Variants in TBC1D1 observed in about 807,000 individuals in gnomAD.
TBC1D1 encodes the protein TBC1 (tre-2/USP6, BUB2, cdc16) domain family, member 1.
In TBC1D1, 89 loss-of-function variants were observed where a neutral mutation model predicts 125.6. The observed-to-expected ratio is 0.71, with a 90% CI of 0.60 to 0.85. The LOEUF (loss-of-function observed/expected upper bound fraction) is 0.85. TBC1D1 is among the 40% of genes least tolerant of loss of function. The pLI is 0.00. For synonymous variants in TBC1D1, 565 were observed against 564.1 expected, an observed-to-expected ratio of 1.00 and a Z score of -0.02; for missense variants, 1,377 against 1,469.2, an observed-to-expected ratio of 0.94 and a Z score of 1.03.
At chr4:38,131,662 T>C (rs971910192) in intron 18 of TBC1D1, among the ~76,000 whole-genome samples, 10 of 152,204 alleles carry the variant, frequency 6.6e-5, no homozygotes, top group Non-Finnish European at 1.2e-4. Flanking sequence ...AAGTCATTCA[T>C]AGAGTCGCCA....
chr4:38,084,588 T>A (rs1757153992), intron 12 of TBC1D1, among the ~76,000 whole-genome samples: 1 of 152,278 alleles, frequency 6.6e-6, no homozygotes, highest in African/African-American at 2.4e-5. Flanking sequence ...GAGCTGTTCG[T>A]AACAACAGAC....
chr4:38,062,268 GTT>G (rs562627652), intron 12 of TBC1D1, among the ~76,000 whole-genome samples: 2 of 141,438 alleles, frequency 1.4e-5, no homozygotes, highest in Non-Finnish European at 1.6e-5. Context: ...AAGTGTGCTT[GTT>G]TTTTTTTTTT....
At chr4:37,923,330 C>A (rs4832742) in intron 2 of TBC1D1, among the ~76,000 whole-genome samples, 61,673 of 151,928 alleles carry the variant, frequency 0.41, 12,770 homozygotes, top group East Asian at 0.67. Context: ...TATATGTGCC[C>A]CATTTTCTTT....
intron 18 of TBC1D1, among the ~76,000 whole-genome samples, chr4:38,130,814 T>A (rs535661382): frequency 6.6e-6 from 1 of 152,342 alleles, no homozygotes; most frequent in East Asian, 1.9e-4. Flanking sequence ...TCTGTTTTAT[T>A]CATCTGAGAC....
At chr4:37,932,893 C>T (rs1723554332) in intron 2 of TBC1D1, among the ~76,000 whole-genome samples, 1 of 152,004 alleles carries the variant, frequency 6.6e-6, no homozygotes, top group Non-Finnish European at 1.5e-5. Context: ...CCCATCTCTA[C>T]TAAAAATGCA....
chr4:38,108,355 G>A (rs545862881), intron 15 of TBC1D1, among the ~76,000 whole-genome samples: 28 of 152,234 alleles, frequency 1.8e-4, no homozygotes, highest in Non-Finnish European at 4.0e-4. Flanking sequence ...GGCTTCAGCC[G>A]AAAGAACACT....
chr4:38,086,329 T>C (rs1196701924), intron 12 of TBC1D1, among the ~76,000 whole-genome samples: 1 of 152,142 alleles, frequency 6.6e-6, no homozygotes. Flanking sequence ...TATTTAGCAA[T>C]GCCTAGAGGC....
intron 17 of TBC1D1, 173 bp downstream of exon 19, chr4:38,118,365 C>G: frequency 1.5e-6 from 1 of 681,316 alleles, no homozygotes; most frequent in South Asian, 2.0e-5. Context: ...TGGAGTCCTC[C>G]TTAACTTCTG....
rs566212258 is a variant in TBC1D1, at chr4:37,954,752, G to A, written c.417+52240G>A. Among the ~76,000 whole-genome samples, 9 of 151,246 alleles carry A rather than the reference G, an allele frequency of 6.0e-5. No homozygotes were observed. In the South Asian group the frequency reaches 6.3e-4, roughly 11 times the overall value. On this transcript the variant is annotated intron_variant, in intron 2 of 19. Coordinates refer to ENST00000261439, the MANE Select transcript of TBC1D1 (RefSeq NM_015173.4). ...CTACTTAGTGATACTGTATGTGGGC[G>A]ATGAAGAGGCGGGGTGATTCACTGA...
intron 18 of TBC1D1, among the ~76,000 whole-genome samples, chr4:38,127,767 C>T (rs1764900783): frequency 6.6e-6 from 1 of 152,128 alleles, no homozygotes; most frequent in Non-Finnish European, 1.5e-5. Context: ...ACATGCCCGG[C>T]CCCTTGTAGA....
intron 2 of TBC1D1, among the ~76,000 whole-genome samples, chr4:37,992,192 A>G (rs1282300984): frequency 6.6e-6 from 1 of 152,194 alleles, no homozygotes; most frequent in Non-Finnish European, 1.5e-5. Flanking sequence ...GCTGGATAGC[A>G]GGATGGATGT....
chr4:37,974,501 A>G (rs1432480334), intron 2 of TBC1D1, among the ~76,000 whole-genome samples: 3 of 152,120 alleles, frequency 2.0e-5, no homozygotes, highest in Non-Finnish European at 4.4e-5. Flanking sequence ...GGCATCCCAA[A>G]GTGCTGGGAT....
intron 2 of TBC1D1, among the ~76,000 whole-genome samples, chr4:37,935,558 A>G (rs1724213524): frequency 6.6e-6 from 1 of 152,172 alleles, no homozygotes; most frequent in South Asian, 2.1e-4. Flanking sequence ...CCCAAGATAC[A>G]GTATTTCTCA....
chr4:38,115,817 T>C lies in TBC1D1; in HGVS notation c.2665T>C (p.Tyr889His). ...CTCACTTCTAGACCAGGAAGTGGGA[T>C]ATTGCCAAGGTCTCAGCTTTGTAGC... Residue 889 changes from tyrosine (Y) to histidine (H), a missense_variant, in exon 16 of 20, where the codon TAT becomes CAT. Physicochemically the swap from Tyr to His is moderately conservative, Grantham distance 83 (BLOSUM62 2). Around this residue, in one of 3 missense-constraint regions of TBC1D1, gnomAD observed 543 missense variants for 613.5 expected, o/e 0.89. Transcript: ENST00000261439. The C allele has an allele frequency of 1.2e-6, 2 of 1,614,202 alleles. No homozygotes were observed. Among genetic ancestry groups the C allele is most frequent in the Non-Finnish European group, 1.7e-6 (2 of 1,180,034 alleles).
intron 3 of TBC1D1, among the ~76,000 whole-genome samples, chr4:38,015,487 G>T (rs1452020508): frequency 1.3e-5 from 2 of 150,592 alleles, no homozygotes; most frequent in Non-Finnish European, 2.9e-5. Flanking sequence ...TAGAAAAAAA[G>T]TGTTAAATTG....
chr4:38,136,381 A>G (rs2152649915), intron 19 of TBC1D1, among the ~76,000 whole-genome samples: 1 of 152,330 alleles, frequency 6.6e-6, no homozygotes, highest in Admixed American at 6.5e-5. Flanking sequence ...GACCAGGCAC[A>G]TAAACCTCTT....
At chr4:37,944,992 G>A (rs1218997161) in intron 2 of TBC1D1, among the ~76,000 whole-genome samples, 2 of 152,182 alleles carry the variant, frequency 1.3e-5, no homozygotes, top group Non-Finnish European at 2.9e-5. Flanking sequence ...GTCGTGATTT[G>A]AATTTTAAGA....
At chr4:38,041,854 A>C (rs572924687) in intron 8 of TBC1D1, among the ~76,000 whole-genome samples, 1 of 152,160 alleles carries the variant, frequency 6.6e-6, no homozygotes, top group African/African-American at 2.4e-5. Context: ...TTAAGCTTCA[A>C]AGATGTCTGC....
chr4:38,015,086 C>A, intron 3 of TBC1D1, 113 bp downstream of exon 3: 2 of 893,526 alleles, frequency 2.2e-6, no homozygotes, highest in Non-Finnish European at 3.3e-6. Flanking sequence ...ATGTGTGAAT[C>A]CATATATTTT....
Sources: allele counts gnomAD v4.1 joint callset (sites outside exome capture counted in the v4.1 genomes callset), GRCh38; gene constraint gnomAD v4.1.1; regional missense constraint gnomAD v4.1.1; transcripts MANE v1.5; gene names NCBI Gene and HGNC (gene_info 2026-07-23, HGNC 2026-07-21).